Variants in AP4E1 observed in about 807,000 individuals in gnomAD.
AP4E1 encodes the protein adaptor related protein complex 4 subunit epsilon 1.
AP4E1 carries 56 observed loss-of-function variants against 128.2 expected under a neutral mutation model. The observed-to-expected ratio is 0.44, with a 90% CI of 0.35 to 0.55. AP4E1 has a LOEUF of 0.55. Ranked by LOEUF, AP4E1 falls within the 20% of genes least tolerant of loss-of-function variation. The pLI is 0.00. For synonymous variants in AP4E1, 484 were observed against 473.1 expected (o/e 1.02, Z -0.30); for missense variants, 1,324 against 1,307.7 (o/e 1.01, Z -0.19).
At chr15:50,939,676 A>G (rs2063957069) in intron 8 of AP4E1, among the ~76,000 whole-genome samples, 1 of 152,200 alleles carries the variant, frequency 6.6e-6, no homozygotes. Flanking sequence ...TTGGCACCCC[A>G]GAAACTTTAT....
chr15:50,995,651 G>T lies in AP4E1; in HGVS notation c.2347-1675G>T, dbSNP rs118114907. Among the ~76,000 whole-genome samples, 1,044 of 152,092 alleles carry T rather than the reference G, an allele frequency of 6.9e-3. 15 individuals carry two copies. Among genetic ancestry groups the T allele is most frequent in the Non-Finnish European group, 9.3e-3 (631 of 67,966 alleles). On this transcript the variant is annotated intron_variant, in intron 17 of 20. Transcript: ENST00000261842. The stretch of plus-strand genomic sequence containing the variant: ...TTCGCCTCCCTTGGCCTCCCAAAGT[G>T]TTGGGATTGCAGGTGTGAGCCGCCA...
At chr15:50,924,674 A>T (rs1431129982) in intron 4 of AP4E1, among the ~76,000 whole-genome samples, 1 of 152,172 alleles carries the variant, frequency 6.6e-6, no homozygotes, top group Admixed American at 6.5e-5. Context: ...AGTTTTATAG[A>T]CCATATGGAT....
At position 50,947,415 on chromosome 15, in the gene AP4E1, CAAA is replaced by C. The variant is rs34715973; in HGVS notation, c.1177-588_1177-586del. On this transcript the variant is annotated intron_variant, in intron 10 of 20. Transcript: ENST00000261842. ...TGGATGACAGAGCAAGACCCTGTCT[CAAA>C]AAAAAAAAAAAAAAAAGTAGCTATA... Among the ~76,000 whole-genome samples, 217 of 117,134 alleles carry C rather than the reference CAAA, an allele frequency of 1.9e-3. 1 individual carries two copies. The highest frequency in any genetic ancestry group is 4.9e-3 in the African/African-American group (147 of 30,134). 76.8% of individuals were successfully genotyped at this position (117,134 alleles called of 152,430 possible). A position where few individuals can be genotyped will look rare whatever the true frequency, so the allele number is the denominator to read the frequency against.
chr15:50,954,824 C>G (rs931022846), intron 13 of AP4E1, among the ~76,000 whole-genome samples: 2 of 152,280 alleles, frequency 1.3e-5, no homozygotes, highest in Admixed American at 1.3e-4. Context: ...AGGTATATCT[C>G]CTAATGCTAT....
At chr15:50,911,792 T>A (rs549202342) in intron 1 of AP4E1, among the ~76,000 whole-genome samples, 25 of 151,336 alleles carry the variant, frequency 1.7e-4, no homozygotes, top group South Asian at 1.0e-3. Flanking sequence ...CCTTTAGTTT[T>A]AAAAAAAAAC....
Position 51,003,492 on chromosome 15 carries a change from T to C in AP4E1, c.*830T>C, listed in dbSNP as rs2064989157. ...TTACTACTTAGGTCCTTTTGGCAAATGAAAATTTGTGATTAGAGTATAAAT... is the reference window on the plus strand; with the variant it reads ...TTACTACTTAGGTCCTTTTGGCAAACGAAAATTTGTGATTAGAGTATAAAT... On this transcript the variant is annotated 3_prime_UTR_variant, in exon 21 of 21. Transcript: ENST00000261842. 6.6e-6 allele frequency: 1 copy of C among 152,390 alleles called. No individual in the cohort carries two copies. The highest frequency in any genetic ancestry group is 1.5e-5 in the Non-Finnish European group (1 of 68,022). 9.4% of individuals were successfully genotyped at this position (152,390 alleles called of 1,614,324 possible).
chr15:50,924,793 G>A (rs2063749686), intron 4 of AP4E1, among the ~76,000 whole-genome samples: 1 of 152,050 alleles, frequency 6.6e-6, no homozygotes, highest in South Asian at 2.1e-4. Context: ...TCATAAAATT[G>A]TTTTATTATT....
intron 3 of AP4E1, among the ~76,000 whole-genome samples, chr15:50,922,399 G>C (rs2063716264): frequency 6.6e-6 from 1 of 152,000 alleles, no homozygotes; most frequent in Non-Finnish European, 1.5e-5. Context: ...GGTCAGATTT[G>C]TTTCAACTCT....
chr15:50,966,572 T>A (rs1405358787), intron 14 of AP4E1, among the ~76,000 whole-genome samples: 1 of 149,456 alleles, frequency 6.7e-6, no homozygotes, highest in Non-Finnish European at 1.5e-5. Flanking sequence ...GTTTCACTCT[T>A]GTCACCCAGG....
chr15:50,939,077 A>G (rs2063947936), intron 8 of AP4E1, among the ~76,000 whole-genome samples: 1 of 152,176 alleles, frequency 6.6e-6, no homozygotes, highest in Non-Finnish European at 1.5e-5. Context: ...ATTAATTTTT[A>G]ATTTAGTAAT....
intron 1 of AP4E1, 70 bp from the exon 2 acceptor site, chr15:50,912,008 C>T (rs777976118): frequency 5.7e-5 from 66 of 1,161,956 alleles, no homozygotes; most frequent in African/African-American, 1.1e-4. Flanking sequence ...TATATTTTTC[C>T]GTTTAGATAA....
chr15:50,913,715 T>A (rs986407679), intron 2 of AP4E1, among the ~76,000 whole-genome samples: 2 of 152,254 alleles, frequency 1.3e-5, no homozygotes, highest in Non-Finnish European at 2.9e-5. Flanking sequence ...ATGGCTTAAA[T>A]GAACCCTTTA....
intron 5 of AP4E1, 112 bp downstream of exon 5, chr15:50,925,331 C>A: frequency 8.6e-7 from 1 of 1,165,162 alleles, no homozygotes; most frequent in Non-Finnish European, 1.2e-6. Flanking sequence ...TATTTGACTG[C>A]TAGGAATAAT....
At chr15:50,986,771 T>G (rs1234759728) in intron 16 of AP4E1, among the ~76,000 whole-genome samples, 3 of 152,210 alleles carry the variant, frequency 2.0e-5, no homozygotes, top group African/African-American at 7.2e-5. Flanking sequence ...AAAATTCTCT[T>G]TTTTGGTTGT....
Position 50,915,607 on chromosome 15 carries a change from TTG to T in AP4E1, c.346+38_346+39del, listed in dbSNP as rs1187350394. 6 of 1,610,296 alleles carry T rather than the reference TTG, an allele frequency of 3.7e-6. No individual in the cohort carries two copies. The Admixed American group carries it at 1.0e-4, about 27-fold the overall frequency. ...GTTTTAAGACTTTGATGCTTTCATGTTGTCCTTGAAGTTGCATCTATTATACA... is the reference window on the plus strand; with the variant it reads ...GTTTTAAGACTTTGATGCTTTCATGTTCCTTGAAGTTGCATCTATTATACA... On this transcript the variant is annotated intron_variant, in intron 3 of 20. Transcript: ENST00000261842.
intron 15 of AP4E1, among the ~76,000 whole-genome samples, chr15:50,973,935 C>T (rs527937968): frequency 1.6e-4 from 24 of 152,174 alleles, no homozygotes; most frequent in East Asian, 3.9e-4. Flanking sequence ...AATACCCACC[C>T]GGAAGTGAGA....
At chr15:50,967,935 G>A (rs547809991) in intron 14 of AP4E1, among the ~76,000 whole-genome samples, 20 of 152,236 alleles carry the variant, frequency 1.3e-4, no homozygotes, top group South Asian at 8.3e-4. Context: ...GCAGTCTCCC[G>A]GGTGGTGGCT....
At chr15:50,921,320 C>A (rs1034973140) in intron 3 of AP4E1, among the ~76,000 whole-genome samples, 3 of 151,892 alleles carry the variant, frequency 2.0e-5, no homozygotes, top group African/African-American at 4.8e-5. Context: ...AGTGCTTTAT[C>A]TTCTGAGATA....
intron 6 of AP4E1, among the ~76,000 whole-genome samples, chr15:50,929,578 A>G (rs1378588778): frequency 6.6e-6 from 1 of 152,124 alleles, no homozygotes; most frequent in Non-Finnish European, 1.5e-5. Context: ...ATTCTGTATC[A>G]TATGAGGAAA....
Sources: allele counts gnomAD v4.1 joint callset (sites outside exome capture counted in the v4.1 genomes callset), GRCh38; gene constraint gnomAD v4.1.1; transcripts MANE v1.5; gene names NCBI Gene and HGNC (gene_info 2026-07-23, HGNC 2026-07-21).